Variants in GJA1 observed in about 807,000 individuals in gnomAD.
The protein encoded by GJA1 is gap junction alpha-1 protein.
In GJA1, 9 loss-of-function variants were observed where a neutral mutation model predicts 31.0. The ratio of observed to expected loss-of-function variants is 0.29; its 90% CI spans 0.17 to 0.51. GJA1 has a LOEUF of 0.51. Among genes scored for constraint, GJA1 ranks in the 20% least tolerant of loss-of-function variants. The probability of loss-of-function intolerance (pLI) is 0.98; values close to 1 mark genes in which losing one functional copy is unlikely to be tolerated. For missense variants in GJA1, 278 were observed against 468.8 expected (o/e 0.59, Z 3.76); for synonymous variants, 186 against 180.1 (o/e 1.03, Z -0.26).
intron 1 of GJA1, among the ~76,000 whole-genome samples, chr6:121,440,966 G>A (rs1402024046): frequency 2.0e-5 from 3 of 149,360 alleles, no homozygotes; most frequent in Non-Finnish European, 3.0e-5. Flanking sequence ...TCTTTGAGAC[G>A]GAGTCTCGCT....
chr6:121,438,820 T>G (rs1773714773), intron 1 of GJA1, among the ~76,000 whole-genome samples: 1 of 151,504 alleles, frequency 6.6e-6, no homozygotes, highest in Admixed American at 6.6e-5. Context: ...TTTTAAATTC[T>G]TAGCATAATT....
Position 121,447,272 on chromosome 6 carries a change from A to C in GJA1, c.425A>C (p.His142Pro). The stretch of plus-strand genomic sequence containing the variant: ...AAGTTCAAGTACGGTATTGAAGAGC[A>C]TGGTAAGGTGAAAATGCGAGGGGGG... Reference protein sequence around the residue: ...IKKFKYGIEEHGKVKMRGGLL... With the variant: ...IKKFKYGIEEPGKVKMRGGLL... The change falls in exon 2 of 2, where the codon CAT becomes CCT. Residue 142 changes from histidine (H) to proline (P), a missense_variant. Coordinates refer to ENST00000282561, the MANE Select transcript of GJA1 (RefSeq NM_000165.5). The C allele has an allele frequency of 6.2e-7, 1 of 1,614,164 alleles. No individual in the cohort carries two copies. The highest frequency in any genetic ancestry group is 1.1e-5 in the South Asian group (1 of 91,078).
intron 1 of GJA1, among the ~76,000 whole-genome samples, chr6:121,436,137 T>A (rs183571694): frequency 6.3e-5 from 7 of 111,248 alleles, no homozygotes; most frequent in Admixed American, 4.2e-4. Context: ...TTTTATTTTG[T>A]TTTTTTTTTG....
At chr6:121,439,143 A>AG (rs1164512049) in intron 1 of GJA1, among the ~76,000 whole-genome samples, 1 of 152,050 alleles carries the variant, frequency 6.6e-6, no homozygotes, top group Non-Finnish European at 1.5e-5. Context: ...ATAAAAAAAA[A>AG]TTTTAAAAAG....
At chr6:121,445,558 G>A (rs1275745623) in intron 1 of GJA1, among the ~76,000 whole-genome samples, 3 of 146,528 alleles carry the variant, frequency 2.0e-5, no homozygotes, top group Non-Finnish European at 3.0e-5. Flanking sequence ...AGCCCAGTAA[G>A]GGAACTTTAA....
chr6:121,443,152 C>T (rs889453246), intron 1 of GJA1, among the ~76,000 whole-genome samples: 1 of 152,020 alleles, frequency 6.6e-6, no homozygotes, highest in Admixed American at 6.6e-5. Flanking sequence ...ACTTACCATA[C>T]AAGACTTGGA....
In GJA1 at chr6:121,439,645, C is replaced by T. The variant is rs1396527161; in HGVS notation, c.-17+3813C>T. Among the ~76,000 whole-genome samples, 6 of 152,080 alleles carry T rather than the reference C, an allele frequency of 3.9e-5. No homozygotes were observed. The East Asian group carries it at 1.2e-3, about 29-fold the overall frequency. On this transcript the variant is annotated intron_variant, in intron 1 of 1. Coordinates refer to ENST00000282561, the MANE Select transcript of GJA1 (RefSeq NM_000165.5). ...TGTCTTTTATGGGATGCACCATCCTCTCTTTGGATGGAGTTCCTCACACCT... is the reference window on the plus strand; with the variant it reads ...TGTCTTTTATGGGATGCACCATCCTTTCTTTGGATGGAGTTCCTCACACCT...
Position 121,447,520 on chromosome 6 carries a change from A to G in GJA1, c.673A>G (p.Ile225Val). The change falls in exon 2 of 2, where the codon ATC becomes GTC. Residue 225 changes from isoleucine (I) to valine (V), a missense_variant. Physicochemically the swap from Ile to Val is conservative, Grantham distance 29. Transcript: ENST00000282561. The stretch of plus-strand genomic sequence containing the variant: ...GTCCTTGGTGTCCCTGGCCTTGAAT[A>G]TCATTGAACTCTTCTATGTTTTCTT... ...VVSLVSLALN[I>V]IELFYVFFKG... The G allele has an allele frequency of 1.2e-6, 2 of 1,613,882 alleles. No homozygotes were observed. The highest frequency in any genetic ancestry group is 1.7e-6 in the Non-Finnish European group (2 of 1,179,882).
At chr6:121,439,341 TAATC>T (rs560773402) in intron 1 of GJA1, among the ~76,000 whole-genome samples, 134 of 152,338 alleles carry the variant, frequency 8.8e-4, no homozygotes, top group Admixed American at 2.9e-3. Flanking sequence ...TAGACTATCT[TAATC>T]AATACACTTG....
chr6:121,444,991 G>T (rs939061302), intron 1 of GJA1, among the ~76,000 whole-genome samples: 2 of 152,174 alleles, frequency 1.3e-5, no homozygotes, highest in African/African-American at 4.8e-5. Flanking sequence ...GAAAAGACTT[G>T]CCCGGGGATT....
Position 121,447,581 on chromosome 6 carries a change from A to G in GJA1, c.734A>G (p.Asp245Gly). 6.2e-7 allele frequency: 1 copy of G among 1,613,276 alleles called. No individual in the cohort carries two copies. Residue 245 changes from aspartate (D) to glycine (G), a missense_variant, in exon 2 of 2, where the codon GAC (aspartate) becomes GGC (glycine). Asp to Gly is a moderately conservative substitution (Grantham distance 94). Coordinates refer to ENST00000282561, the MANE Select transcript of GJA1 (RefSeq NM_000165.5). ...AAGGATCGGGTTAAGGGAAAGAGCGACCCTTACCATGCGACCAGTGGTGCG... is the reference window on the plus strand; with the variant it reads ...AAGGATCGGGTTAAGGGAAAGAGCGGCCCTTACCATGCGACCAGTGGTGCG... ...GVKDRVKGKS[D>G]PYHATSGALS...
chr6:121,436,003 AAT>A (rs1379811313), intron 1 of GJA1, among the ~76,000 whole-genome samples, 171 bp downstream of exon 1: 1 of 152,112 alleles, frequency 6.6e-6, no homozygotes, highest in East Asian at 1.9e-4. Flanking sequence ...TATTGTACCA[AAT>A]ATATATTTTG....
At chr6:121,443,058 T>C (rs1773822606) in intron 1 of GJA1, among the ~76,000 whole-genome samples, 4 of 152,212 alleles carry the variant, frequency 2.6e-5, no homozygotes, top group African/African-American at 9.6e-5. Flanking sequence ...CCCTGGTGAA[T>C]AAAAGTGCAG....
chr6:121,446,291 A>G (rs2114282006), intron 1 of GJA1, among the ~76,000 whole-genome samples: 1 of 138,398 alleles, frequency 7.2e-6, no homozygotes, highest in Middle Eastern at 3.7e-3. Flanking sequence ...GGGAAACACC[A>G]TCTTAAAAAA....
chr6:121,447,627 T>C lies in GJA1; in HGVS notation c.780T>C (p.Cys260=), dbSNP rs752048581. ...TSGALSPAKD[C]GSQKYAYFNG... is the part of the protein sequence containing the mutation. ...GTGCGCTGAGCCCTGCCAAAGACTG[T>C]GGGTCTCAAAAATATGCTTATTTCA... Residue 260 remains cysteine (C), a synonymous_variant, in exon 2 of 2, where the codon TGT becomes TGC. Transcript: ENST00000282561. 1.2e-6 allele frequency: 2 copies of C among 1,613,892 alleles called. No individual in the cohort carries two copies. The highest frequency in any genetic ancestry group is 8.5e-7 in the Non-Finnish European group (1 of 1,179,986).
At chr6:121,440,011 C>A (rs914736991) in intron 1 of GJA1, among the ~76,000 whole-genome samples, 5 of 152,058 alleles carry the variant, frequency 3.3e-5, no homozygotes, top group Non-Finnish European at 4.4e-5. Context: ...TTACATTAAC[C>A]AGGGTTAATA....
rs375943953 is a variant in GJA1 at position 121,449,008 on chromosome 6, CTT to C, written c.*1020_*1021del. 615 of 165,310 alleles carry C rather than the reference CTT, an allele frequency of 3.7e-3. 8 individuals carry two copies. The highest frequency in any genetic ancestry group is 0.029 in the South Asian group (141 of 4,800). 10.2% of individuals were successfully genotyped at this position (165,310 alleles called of 1,614,324 possible). The stretch of plus-strand genomic sequence containing the variant: ...TTCCTGCTGTGGCAAGTAAAGCACA[CTT>C]TTTTTTTCTCCTAAAATGTTTTTCC... On this transcript the variant is annotated 3_prime_UTR_variant, in exon 2 of 2. Coordinates refer to ENST00000282561, the MANE Select transcript of GJA1 (RefSeq NM_000165.5).
intron 1 of GJA1, among the ~76,000 whole-genome samples, chr6:121,438,942 AT>A (rs1169519418): frequency 5.3e-5 from 8 of 152,110 alleles, no homozygotes; most frequent in African/African-American, 1.9e-4. Context: ...GGCTTATACA[AT>A]TTCATAAATT....
chr6:121,447,354 C>T lies in GJA1; in HGVS notation c.507C>T (p.Phe169=), dbSNP rs758150241. ...ILFKSIFEVA[F]LLIQWYIYGF... The stretch of plus-strand genomic sequence containing the variant: ...TCAAGTCTATCTTTGAGGTGGCCTT[C>T]TTGCTGATCCAGTGGTACATCTATG... The change falls in exon 2 of 2, where the codon TTC becomes TTT. Residue 169 remains phenylalanine (F), a synonymous_variant. Transcript: ENST00000282561. 5 of 1,613,990 alleles carry T rather than the reference C, an allele frequency of 3.1e-6. No homozygotes were observed. The highest frequency in any genetic ancestry group is 2.2e-5 in the East Asian group (1 of 44,890).
Sources: gnomAD v4.1 joint callset for allele counts (sites outside exome capture counted in the v4.1 genomes callset) on GRCh38, gnomAD v4.1.1 for gene constraint, MANE v1.5 for transcripts, NCBI Gene and HGNC (gene_info 2026-07-23, HGNC 2026-07-21) for gene names.